Variants in DLGAP1 observed in about 807,000 individuals in gnomAD.
DLGAP1 encodes the protein disks large-associated protein 1.
Under a neutral mutation model 90.8 loss-of-function variants are expected in DLGAP1, and 11 were observed. The ratio of observed to expected loss-of-function variants is 0.12; its 90% CI spans 0.08 to 0.20. The LOEUF (loss-of-function observed/expected upper bound fraction) is 0.20. DLGAP1 is among the 10% of genes least tolerant of loss of function. The probability of loss-of-function intolerance (pLI) is 1.00; values close to 1 mark genes in which losing one functional copy is unlikely to be tolerated. For missense variants in DLGAP1, 1,050 were observed against 1,333.8 expected, an observed-to-expected ratio of 0.79 and a Z score of 3.31; for synonymous variants, 558 against 540.7, an observed-to-expected ratio of 1.03 and a Z score of -0.44.
chr18:4,023,528 CT>C (rs2074648912), intron 2 of DLGAP1, among the ~76,000 whole-genome samples: 1 of 152,150 alleles, frequency 6.6e-6, no homozygotes, highest in Admixed American at 6.5e-5. Flanking sequence ...TTATTATTAA[CT>C]TTATTTTTAT....
intron 2 of DLGAP1, among the ~76,000 whole-genome samples, chr18:4,122,588 T>C (rs1476597789): frequency 1.3e-5 from 2 of 152,164 alleles, no homozygotes; most frequent in Non-Finnish European, 2.9e-5. Context: ...CTAAACTAAT[T>C]GTACTAAATT....
At chr18:3,837,315 A>C (rs2068445132) in intron 4 of DLGAP1, among the ~76,000 whole-genome samples, 1 of 152,202 alleles carries the variant, frequency 6.6e-6, no homozygotes, top group Non-Finnish European at 1.5e-5. Flanking sequence ...AAGCATTTAG[A>C]AATGTGATAT....
At chr18:3,724,732 A>G (rs1039369658) in intron 7 of DLGAP1, among the ~76,000 whole-genome samples, 4 of 151,968 alleles carry the variant, frequency 2.6e-5, no homozygotes, top group Non-Finnish European at 4.4e-5. Context: ...GCAAGATCCC[A>G]TCTCAAAAAA....
chr18:3,716,442 G>A (rs1341849796), intron 7 of DLGAP1, among the ~76,000 whole-genome samples: 2 of 152,270 alleles, frequency 1.3e-5, no homozygotes, highest in African/African-American at 4.8e-5. Context: ...GGGCTGAAGT[G>A]GGAGGATTGC....
chr18:3,961,111 G>A (rs1036163232), intron 3 of DLGAP1, among the ~76,000 whole-genome samples: 3 of 152,126 alleles, frequency 2.0e-5, no homozygotes, highest in African/African-American at 7.2e-5. Flanking sequence ...AGGCCACAGA[G>A]GCCAAGCCGC....
chr18:4,107,536 G>C (rs2075891022), intron 2 of DLGAP1, among the ~76,000 whole-genome samples: 1 of 152,132 alleles, frequency 6.6e-6, no homozygotes, highest in Non-Finnish European at 1.5e-5. Flanking sequence ...TTTCTTTCTG[G>C]GGGGATGAAA....
intron 3 of DLGAP1, among the ~76,000 whole-genome samples, chr18:3,950,039 T>C (rs979278342): frequency 6.6e-6 from 1 of 152,224 alleles, no homozygotes; most frequent in African/African-American, 2.4e-5. Context: ...GTGAGTTCTA[T>C]ATTACTGAGA....
intron 2 of DLGAP1, among the ~76,000 whole-genome samples, chr18:4,055,991 T>C (rs748041143): frequency 2.0e-5 from 3 of 152,190 alleles, no homozygotes; most frequent in African/African-American, 7.2e-5. Flanking sequence ...GTGTATACTT[T>C]TACAAAGGAT....
intron 3 of DLGAP1, among the ~76,000 whole-genome samples, chr18:3,908,092 G>T (rs73940273): frequency 0.011 from 1,611 of 152,246 alleles, 27 homozygotes; most frequent in African/African-American, 0.036. Flanking sequence ...TTTTGGCATA[G>T]GAAAGCAATG....
intron 4 of DLGAP1, among the ~76,000 whole-genome samples, chr18:3,862,501 A>C (rs2070132330): frequency 6.6e-6 from 1 of 151,906 alleles, no homozygotes; most frequent in Non-Finnish European, 1.5e-5. Flanking sequence ...GGTGCTGCCT[A>C]CTTGGCTGAT....
intron 6 of DLGAP1, among the ~76,000 whole-genome samples, chr18:3,734,373 C>G (rs1266987850): frequency 2.6e-5 from 4 of 152,172 alleles, no homozygotes; most frequent in Admixed American, 6.5e-5. Context: ...TGGCCTCAGC[C>G]TCCTGAGTAG....
At chr18:3,562,038 C>T (rs1236102391) in intron 9 of DLGAP1, among the ~76,000 whole-genome samples, 2 of 150,152 alleles carry the variant, frequency 1.3e-5, no homozygotes, top group Non-Finnish European at 2.9e-5. Context: ...ACCAGCCTGG[C>T]CAACATGGTG....
At chr18:3,681,858 C>T (rs447346) in intron 7 of DLGAP1, among the ~76,000 whole-genome samples, 44 of 151,950 alleles carry the variant, frequency 2.9e-4, no homozygotes, top group Admixed American at 2.9e-3. Context: ...GGCTGGGCGC[C>T]GTGGCTCCCA....
At position 3,961,015 on chromosome 18, in the gene DLGAP1, G is replaced by C. The variant is rs116256430; in HGVS notation, c.-73+44101C>G. ...TCTTACTCTGGAAAAGAGACACGAG[G>C]CTGGCTTGTTCTCTTCCTGCTTCTG... is the stretch of plus-strand genomic sequence containing the variant. On this transcript the variant is annotated intron_variant, in intron 3 of 12. Transcript: ENST00000315677. Among the ~76,000 whole-genome samples the C allele has an allele frequency of 6.3e-3, 959 of 152,334 alleles. 9 individuals are homozygous for C. The highest frequency in any genetic ancestry group is 0.022 in the African/African-American group (900 of 41,572).
chr18:3,750,969 T>C (rs541951439), intron 5 of DLGAP1, among the ~76,000 whole-genome samples: 2 of 152,332 alleles, frequency 1.3e-5, no homozygotes, highest in East Asian at 1.9e-4. Context: ...TGTACCCCTA[T>C]AGTGGCTTTT....
chr18:4,115,562 C>T (rs761249884), intron 2 of DLGAP1, among the ~76,000 whole-genome samples: 5 of 151,670 alleles, frequency 3.3e-5, no homozygotes, highest in South Asian at 4.2e-4. Context: ...CTCGGCTCAC[C>T]GCAAGCTCTG....
intron 1 of DLGAP1, among the ~76,000 whole-genome samples, chr18:4,339,056 G>A (rs577110570): frequency 1.3e-4 from 20 of 152,232 alleles, no homozygotes; most frequent in African/African-American, 3.4e-4. Context: ...ATATGTACGC[G>A]GAAGGTTAGT....
At chr18:4,319,924 A>C (rs2080634979) in intron 1 of DLGAP1, among the ~76,000 whole-genome samples, 1 of 152,094 alleles carries the variant, frequency 6.6e-6, no homozygotes, top group Admixed American at 6.5e-5. Flanking sequence ...CCAACCACTC[A>C]TTCTGGGGTC....
chr18:3,621,064 G>A (rs544540561), intron 7 of DLGAP1, among the ~76,000 whole-genome samples: 1 of 152,256 alleles, frequency 6.6e-6, no homozygotes, highest in South Asian at 2.1e-4. Flanking sequence ...TGTTTGAACA[G>A]GTCCTTCTGG....
Sources: allele counts gnomAD v4.1 joint callset (sites outside exome capture counted in the v4.1 genomes callset), GRCh38; gene constraint gnomAD v4.1.1; transcripts MANE v1.5; gene names NCBI Gene and HGNC (gene_info 2026-07-23, HGNC 2026-07-21).